Variants in CNR2 observed in about 807,000 individuals in gnomAD.
CNR2 encodes cannabinoid receptor 2 (macrophage).
For synonymous variants in CNR2, 172 were observed against 182.2 expected, an observed-to-expected ratio of 0.94 and a Z score of 0.45; for missense variants, 379 against 439.9, an observed-to-expected ratio of 0.86 and a Z score of 1.24.
At chr1:23,881,976 C>A (rs1639995939) in intron 1 of CNR2, among the ~76,000 whole-genome samples, 1 of 151,376 alleles carries the variant, frequency 6.6e-6, no homozygotes, top group Admixed American at 6.6e-5. Context: ...GGCTGGAGTG[C>A]AGTGGAGCAG....
At chr1:23,899,743 G>C (rs1428706382) in intron 1 of CNR2, among the ~76,000 whole-genome samples, 1 of 141,708 alleles carries the variant, frequency 7.1e-6, no homozygotes, top group East Asian at 2.1e-4. Flanking sequence ...GAACCTGGAA[G>C]GTGGAGGGTG....
intron 1 of CNR2, chr1:23,902,685 T>C: frequency 6.3e-7 from 1 of 1,593,978 alleles, no homozygotes; most frequent in Non-Finnish European, 8.5e-7. Context: ...AAAGTGCACG[T>C]CGGCCACGAG....
chr1:23,888,396 T>C (rs1450812519), intron 1 of CNR2, among the ~76,000 whole-genome samples: 1 of 152,146 alleles, frequency 6.6e-6, no homozygotes, highest in Admixed American at 6.6e-5. Context: ...CTCCTTGAGA[T>C]GCCAAATGGG....
At position 23,880,070 on chromosome 1, in the gene CNR2, A is replaced by G. The variant is rs967961259; in HGVS notation, c.-45-4408T>C. Among the ~76,000 whole-genome samples, 4 of 151,938 alleles carry G rather than the reference A, an allele frequency of 2.6e-5. No individual in the cohort carries two copies. The East Asian group carries it at 7.7e-4, about 29-fold the overall frequency. On this transcript the variant is annotated intron_variant, in intron 1 of 1. Coordinates refer to ENST00000374472, the MANE Select transcript of CNR2 (RefSeq NM_001841.3). ...CCTTTTCCTGGATCACCTTTCCCTC[A>G]ACATTTACTTGGCTTGCTCTCACCT...
At chr1:23,905,181 CT>C (rs1214094036) in intron 1 of CNR2, among the ~76,000 whole-genome samples, 7 of 144,804 alleles carry the variant, frequency 4.8e-5, no homozygotes, top group African/African-American at 2.0e-4. Flanking sequence ...CTTTTCTTTT[CT>C]TTTCTTTCTT....
In CNR2 at chr1:23,872,480, G is replaced by T. The variant is rs1285083757; in HGVS notation, c.*2055C>A. 1.3e-5 allele frequency: 2 copies of T among 152,054 alleles called. No homozygotes were observed. Among genetic ancestry groups the T allele is most frequent in the Non-Finnish European group, 2.9e-5 (2 of 68,020 alleles). 9.4% of individuals were successfully genotyped at this position (152,054 alleles called of 1,614,324 possible). On this transcript the variant is annotated 3_prime_UTR_variant, in exon 2 of 2. Coordinates refer to ENST00000374472, the MANE Select transcript of CNR2 (RefSeq NM_001841.3). ...AACTTTGCAGCAATCTGATGCTACA[G>T]ATAGCTAATATTATCCCTAATGAGC...
At chr1:23,875,763 G>C in intron 1 of CNR2, 101 bp from the exon 2 acceptor site, 1 of 924,542 alleles carries the variant, frequency 1.1e-6, no homozygotes, top group Non-Finnish European at 1.6e-6. Flanking sequence ...TGTATGGATG[G>C]ATTCTATGTG....
At chr1:23,890,230 G>T (rs1450824410) in intron 1 of CNR2, among the ~76,000 whole-genome samples, 1 of 140,396 alleles carries the variant, frequency 7.1e-6, no homozygotes. Flanking sequence ...CTGTGCTCTA[G>T]CCCGGGCTAC....
intron 1 of CNR2, among the ~76,000 whole-genome samples, chr1:23,908,301 A>G (rs1281214761): frequency 1.3e-5 from 2 of 151,618 alleles, no homozygotes; most frequent in Non-Finnish European, 2.9e-5. Flanking sequence ...TTAAATATTT[A>G]TTTTATTTTT....
intron 1 of CNR2, among the ~76,000 whole-genome samples, chr1:23,899,656 A>G (rs2148468170): frequency 6.7e-6 from 1 of 148,630 alleles, no homozygotes; most frequent in Admixed American, 6.9e-5. Context: ...CTCCACTAAA[A>G]ATACAAAAGT....
intron 1 of CNR2, among the ~76,000 whole-genome samples, chr1:23,883,315 G>T (rs1315926717): frequency 1.3e-5 from 2 of 152,236 alleles, no homozygotes; most frequent in African/African-American, 4.8e-5. Flanking sequence ...TGGTGAAGTT[G>T]ACGATACATC....
At chr1:23,911,803 C>T (rs1194861762) in intron 1 of CNR2, among the ~76,000 whole-genome samples, 4 of 152,122 alleles carry the variant, frequency 2.6e-5, no homozygotes, top group African/African-American at 9.7e-5. Flanking sequence ...ACCTGCCCAG[C>T]GCAGGTTAGG....
intron 1 of CNR2, among the ~76,000 whole-genome samples, chr1:23,904,047 G>A (rs943818769): frequency 2.0e-5 from 3 of 152,094 alleles, no homozygotes; most frequent in African/African-American, 4.8e-5. Context: ...TTGGGCTCCC[G>A]ATTTTCTGCT....
intron 1 of CNR2, among the ~76,000 whole-genome samples, chr1:23,884,532 C>T (rs781597798): frequency 7.0e-4 from 106 of 151,564 alleles, no homozygotes; most frequent in Non-Finnish European, 1.2e-3. Flanking sequence ...TATCGAACTC[C>T]TGACCTCAAA....
intron 1 of CNR2, among the ~76,000 whole-genome samples, chr1:23,912,419 C>T (rs1180544629): frequency 6.6e-6 from 1 of 152,216 alleles, no homozygotes; most frequent in Non-Finnish European, 1.5e-5. Flanking sequence ...ATTTCCTGGC[C>T]CCCATCTACT....
At chr1:23,892,005 C>T (rs1640200517) in intron 1 of CNR2, among the ~76,000 whole-genome samples, 1 of 152,212 alleles carries the variant, frequency 6.6e-6, no homozygotes, top group South Asian at 2.1e-4. Context: ...CAAGCTCCCA[C>T]TCCTCAATCC....
chr1:23,892,576 G>A (rs888323790), intron 1 of CNR2, among the ~76,000 whole-genome samples: 1 of 152,212 alleles, frequency 6.6e-6, no homozygotes, highest in African/African-American at 2.4e-5. Context: ...AGCAAGCCCA[G>A]AGCTCAATGC....
rs1348056505 is a variant in CNR2 at position 23,881,846 on chromosome 1, G to T, written c.-45-6184C>A. Reference sequence around the variant, plus strand: ...GCGGAGGTTTCGGTGAGCCAAGATCGTGCCATTGCACTCCAGCCTGGGCAA... The same window carrying T: ...GCGGAGGTTTCGGTGAGCCAAGATCTTGCCATTGCACTCCAGCCTGGGCAA... On this transcript the variant is annotated intron_variant, in intron 1 of 1. Transcript: ENST00000374472. Among the ~76,000 whole-genome samples, 8 of 151,122 alleles carry T rather than the reference G, an allele frequency of 5.3e-5. No individual in the cohort carries two copies. The East Asian group carries it at 1.6e-3, about 30-fold the overall frequency.
At chr1:23,895,475 A>G (rs1381725883) in intron 1 of CNR2, among the ~76,000 whole-genome samples, 1 of 152,172 alleles carries the variant, frequency 6.6e-6, no homozygotes, top group Non-Finnish European at 1.5e-5. Flanking sequence ...ACCCATAGCA[A>G]GTGGCGGACA....
Sources: gnomAD v4.1 joint callset for allele counts (sites outside exome capture counted in the v4.1 genomes callset) on GRCh38, gnomAD v4.1.1 for gene constraint, MANE v1.5 for transcripts, NCBI Gene and HGNC (gene_info 2026-07-23, HGNC 2026-07-21) for gene names.